The following KRT23 variants were observed in gnomAD, a reference collection of about 807,000 sequenced individuals.
The protein encoded by KRT23 is keratin, type I cytoskeletal 23.
In KRT23, 38 loss-of-function variants were observed where a neutral mutation model predicts 47.6. That is an observed-to-expected ratio of 0.80 (90% CI 0.62 to 1.05). KRT23 has a LOEUF of 1.05. Ranked by LOEUF, KRT23 falls within the 50% of genes least tolerant of loss-of-function variation. KRT23 has a pLI of 0.00. For synonymous variants in KRT23, 191 were observed against 199.0 expected, an observed-to-expected ratio of 0.96 and a Z score of 0.34; for missense variants, 503 against 529.5, an observed-to-expected ratio of 0.95 and a Z score of 0.49.
In KRT23 at chr17:40,936,342, C is replaced by T. The variant is rs747030431; in HGVS notation, c.262G>A (p.Glu88Lys). The T allele has an allele frequency of 3.9e-5, 63 of 1,614,144 alleles. No homozygotes were observed. Among genetic ancestry groups the T allele is most frequent in the Middle Eastern group, 1.6e-4 (1 of 6,084 alleles). The part of the protein sequence containing the change: ...NLNDRLASYL[E>K]KVRALEEANM... ...GCCTCCTCCAGGGCGCGAACCTTCT[C>T]CAGGTAGGAGGCCAGGCGGTCGTTG... Residue 88 changes from glutamate (E) to lysine (K), a missense_variant, in exon 2 of 9, where the codon GAG becomes AAG. By Grantham distance (56) the Glu-to-Lys change is moderately conservative. Transcript: ENST00000209718.
In KRT23 at chr17:40,934,854, TG is replaced by T. The variant is rs556929522; in HGVS notation, c.396+1353del. On this transcript the variant is annotated intron_variant, in intron 2 of 8. Transcript: ENST00000209718. ...AGAAAACTCTTGGATAGTGTTGACA[TG>T]TGTATTAAATATCCAGCAGGATGCC... Among the ~76,000 whole-genome samples, 24 of 152,354 alleles carry T rather than the reference TG, an allele frequency of 1.6e-4. No individual in the cohort carries two copies. In the East Asian group the frequency reaches 4.4e-3, roughly 28 times the overall value.
intron 5 of KRT23, 24 bp from the exon 6 acceptor site, chr17:40,928,384 G>C: frequency 6.2e-7 from 1 of 1,614,168 alleles, no homozygotes. Context: ...CAAGGCAAAG[G>C]CGTCAGCATT....
chr17:40,924,141 T>C (rs731057), intron 8 of KRT23, among the ~76,000 whole-genome samples: 27,599 of 152,154 alleles, frequency 0.18, 2,567 homozygotes, highest in East Asian at 0.32. Context: ...AACACGAGTG[T>C]TCAACAGAAT....
At chr17:40,933,559 A>G (rs1368206606) in intron 2 of KRT23, among the ~76,000 whole-genome samples, 1 of 152,222 alleles carries the variant, frequency 6.6e-6, no homozygotes, top group Non-Finnish European at 1.5e-5. Flanking sequence ...AATACTGTCT[A>G]TGGGCTTATT....
Position 40,928,306 on chromosome 17 carries a change from C to T in KRT23, c.853G>A (p.Gly285Ser). The change falls in exon 6 of 9, where the codon GGT becomes AGT. Residue 285 changes from glycine (G) to serine (S), a missense_variant. Physicochemically the swap from Gly to Ser is moderately conservative, Grantham distance 56 (BLOSUM62 0). Transcript: ENST00000209718. ...GTGCGCTTCAGTTCGTGGATGTCAC[C>T]TTGTCTGCTCTGCACAGTGGCTGGA... ...ASPATVQSRQ[G>S]DIHELKRTFQ... 6.2e-7 allele frequency: 1 copy of T among 1,614,210 alleles called. No homozygotes were observed.
Position 40,936,155 on chromosome 17 carries a change from G to A in KRT23, c.396+53C>T, listed in dbSNP as rs1910048085. On this transcript the variant is annotated intron_variant, in intron 2 of 8. Transcript: ENST00000209718. Reference sequence around the variant, plus strand: ...TCTGGACTCATTTTTCCTCCCGAGGGTCCCCTGGCAAAGCAGCCCCATCTG... The same window carrying A: ...TCTGGACTCATTTTTCCTCCCGAGGATCCCCTGGCAAAGCAGCCCCATCTG... The A allele has an allele frequency of 4.4e-6, 7 of 1,601,298 alleles. No homozygotes were observed. In the South Asian group the frequency reaches 7.7e-5, roughly 18 times the overall value.
Position 40,922,794 on chromosome 17 carries a change from G to A in KRT23, c.*195C>T, listed in dbSNP as rs897490664. On this transcript the variant is annotated 3_prime_UTR_variant, in exon 9 of 9. Transcript: ENST00000209718. ...AGTAGAGCTTTACCCTCATAAACTC[G>A]CACTTTGATTAGAAAAGTGCAATAT... 6 of 480,710 alleles carry A rather than the reference G, an allele frequency of 1.2e-5. No individual in the cohort carries two copies. The highest frequency in any genetic ancestry group is 5.3e-4 in the Middle Eastern group (1 of 1,878). 29.8% of individuals were successfully genotyped at this position (480,710 alleles called of 1,614,324 possible). A position where few individuals can be genotyped will look rare whatever the true frequency, so the allele number is the denominator to read the frequency against.
rs778206822 is a variant in KRT23 at position 40,936,550 on chromosome 17, G to C, written c.54C>G (p.Ala18=). The C allele has an allele frequency of 2.0e-6, 3 of 1,521,232 alleles. No homozygotes were observed. Among genetic ancestry groups the C allele is most frequent in the Admixed American group, 4.5e-5 (2 of 44,168 alleles). The allele number at this position is 1,521,232 out of a possible 1,614,324, so 94.2% of individuals were successfully genotyped here. Reference sequence around the variant, plus strand: ...TCCTGGGCCGGCCCCAGCCACCTCCGGCGCCATGGAAGGAGGCCGAGGGGG... The same window carrying C: ...TCCTGGGCCGGCCCCAGCCACCTCCCGCGCCATGGAAGGAGGCCGAGGGGG... ...SQTPSASFHG[A]GGGWGRPRSF... is the part of the protein sequence containing the mutation. The change falls in exon 2 of 9, where the codon GCC becomes GCG. Residue 18 remains alanine (A), a synonymous_variant. Coordinates refer to ENST00000209718, the MANE Select transcript of KRT23 (RefSeq NM_015515.5).
intron 6 of KRT23, among the ~76,000 whole-genome samples, chr17:40,927,908 C>T (rs1909332235): frequency 1.3e-5 from 2 of 152,160 alleles, no homozygotes; most frequent in South Asian, 4.1e-4. Flanking sequence ...CAGTTACTTA[C>T]TAGCTGTGTG....
chr17:40,922,977 C>G lies in KRT23; in HGVS notation c.*12G>C, dbSNP rs772183466. ...AAATAGATTTTACAACAGGCGGAAA[C>G]TTTCATTGGTCTCATGCGTGCTTTT... On this transcript the variant is annotated 3_prime_UTR_variant, in exon 9 of 9. Coordinates refer to ENST00000209718, the MANE Select transcript of KRT23 (RefSeq NM_015515.5). 6.2e-7 allele frequency: 1 copy of G among 1,602,078 alleles called. No homozygotes were observed. The highest frequency in any genetic ancestry group is 2.2e-5 in the East Asian group (1 of 44,792).
In KRT23 at chr17:40,922,764, A is replaced by G. The variant is rs1388647080; in HGVS notation, c.*225T>C. 4 of 413,820 alleles carry G rather than the reference A, an allele frequency of 9.7e-6. No individual in the cohort carries two copies. Among genetic ancestry groups the G allele is most frequent in the Non-Finnish European group, 1.7e-5 (4 of 233,086 alleles). The allele number at this position is 413,820 out of a possible 1,614,324, so 25.6% of individuals were successfully genotyped here. A position where few individuals can be genotyped will look rare whatever the true frequency, so the allele number is the denominator to read the frequency against. On this transcript the variant is annotated 3_prime_UTR_variant, in exon 9 of 9. Transcript: ENST00000209718. ...ATGATGAGAATCTGAAGGCTGCAGT[A>G]GGAAAGTAGAGCTTTACCCTCATAA...
At chr17:40,930,328 C>T (rs1328435144) in intron 3 of KRT23, among the ~76,000 whole-genome samples, 1 of 151,988 alleles carries the variant, frequency 6.6e-6, no homozygotes, top group Non-Finnish European at 1.5e-5. Context: ...AGTCATATAC[C>T]CATTATCTAT....
chr17:40,927,316 A>T (rs1221935022), intron 6 of KRT23, among the ~76,000 whole-genome samples: 1 of 152,234 alleles, frequency 6.6e-6, no homozygotes, highest in Non-Finnish European at 1.5e-5. Flanking sequence ...ATGGGTATAC[A>T]TGCCTCGCCT....
chr17:40,926,337 G>A (rs1454007800), intron 6 of KRT23, among the ~76,000 whole-genome samples: 1 of 152,264 alleles, frequency 6.6e-6, no homozygotes, highest in African/African-American at 2.4e-5. Flanking sequence ...TCAGGGGGCC[G>A]TTCATGCTGC....
Position 40,928,588 on chromosome 17 carries a change from A to G in KRT23, c.656T>C (p.Val219Ala). The G allele has an allele frequency of 6.2e-7, 1 of 1,613,014 alleles. No individual in the cohort carries two copies. ...CACATTGACATTGAAGTCACTTGGC[A>G]CATGATGCTTCTCCATTTCCTATTT... ...HHEQEMEKHH[V>A]PSDFNVNVKV... The change falls in exon 5 of 9, where the codon GTG becomes GCG. Residue 219 changes from valine (V) to alanine (A), a missense_variant. By Grantham distance (64) the Val-to-Ala change is moderately conservative. Coordinates refer to ENST00000209718, the MANE Select transcript of KRT23 (RefSeq NM_015515.5).
chr17:40,925,723 C>G, intron 6 of KRT23, 149 bp from the exon 7 acceptor site: 1 of 657,528 alleles, frequency 1.5e-6, no homozygotes, highest in East Asian at 2.7e-5. Flanking sequence ...GGCTGACTTA[C>G]AGGTTTGGGA....
intron 2 of KRT23, 38 bp downstream of exon 2, chr17:40,936,170 A>G: frequency 1.2e-6 from 2 of 1,611,488 alleles, no homozygotes; most frequent in Non-Finnish European, 1.7e-6. Context: ...CTGGCAAAGC[A>G]GCCCCATCTG....
Position 40,936,593 on chromosome 17 carries a change from C to T in KRT23, c.11G>A (p.Gly4Glu). ...CGAGGGGGTCTGGCTGAAGCTGTGT[C>T]CGGAGTTCATGGTCCCATCTGTGTT... Reference protein sequence around the residue: MNSGHSFSQTPSAS... With the variant: MNSEHSFSQTPSAS... Residue 4 changes from glycine (G) to glutamate (E), a missense_variant, in exon 2 of 9, where the codon GGA becomes GAA. Physicochemically the swap from Gly to Glu is moderately conservative, Grantham distance 98. Transcript: ENST00000209718. 4.6e-6 allele frequency: 7 copies of T among 1,515,812 alleles called. No individual in the cohort carries two copies. Among genetic ancestry groups the T allele is most frequent in the Non-Finnish European group, 6.2e-6 (7 of 1,134,698 alleles). The allele number at this position is 1,515,812 out of a possible 1,614,324, so 93.9% of individuals were successfully genotyped here.
At chr17:40,934,157 G>A (rs181422200) in intron 2 of KRT23, among the ~76,000 whole-genome samples, 2 of 152,254 alleles carry the variant, frequency 1.3e-5, no homozygotes, top group East Asian at 1.9e-4. Context: ...TATCCACTCA[G>A]AGCATTTCAC....
Sources: allele counts gnomAD v4.1 joint callset (sites outside exome capture counted in the v4.1 genomes callset), GRCh38; gene constraint gnomAD v4.1.1; transcripts MANE v1.5; gene names NCBI Gene and HGNC (gene_info 2026-07-23, HGNC 2026-07-21).